The following CHKA variants were observed in gnomAD, a reference collection of about 807,000 sequenced individuals.
CHKA encodes CHETK-alpha.
CHKA carries 34 observed loss-of-function variants against 60.1 expected under a neutral mutation model. That is an observed-to-expected ratio of 0.57 (90% CI 0.43 to 0.75). CHKA has a LOEUF of 0.75. Among genes scored for constraint, CHKA ranks in the 30% least tolerant of loss-of-function variants. The pLI is 0.00. For missense variants in CHKA, 563 were observed against 561.3 expected (o/e 1.00, Z -0.03); for synonymous variants, 217 against 223.1 (o/e 0.97, Z 0.24).
chr11:68,070,917 T>C, intron 4 of CHKA, 60 bp from the exon 5 acceptor site: 3 of 1,525,662 alleles, frequency 2.0e-6, no homozygotes, highest in African/African-American at 1.4e-5. Flanking sequence ...AAGAGTGAGA[T>C]CACACAGTCT....
At chr11:68,109,622 T>G (rs1296680250) in intron 1 of CHKA, among the ~76,000 whole-genome samples, 1 of 152,120 alleles carries the variant, frequency 6.6e-6, no homozygotes, top group Non-Finnish European at 1.5e-5. Flanking sequence ...ACCAAAAGAC[T>G]GAGACCTCAC....
chr11:68,113,914 C>CCAGGAAGCGGAGGTTG (rs1157239266), intron 1 of CHKA, among the ~76,000 whole-genome samples: 1 of 151,986 alleles, frequency 6.6e-6, no homozygotes, highest in East Asian at 1.9e-4. Context: ...TCGCTTGAAC[C>CCAGGAAGCGGAGGTTG]CAGGAAGCGG....
chr11:68,113,418 T>G (rs188066316), intron 1 of CHKA, among the ~76,000 whole-genome samples: 1 of 152,160 alleles, frequency 6.6e-6, no homozygotes, highest in African/African-American at 2.4e-5. Context: ...GATACCTGAC[T>G]GGGCGCGGTG....
intron 1 of CHKA, among the ~76,000 whole-genome samples, chr11:68,105,287 C>T (rs1368513202): frequency 5.3e-5 from 8 of 151,544 alleles, no homozygotes; most frequent in South Asian, 2.1e-4. Flanking sequence ...GAGGCTGAGG[C>T]GGGTGGATCA....
chr11:68,089,470 G>A (rs1365297468), intron 2 of CHKA, among the ~76,000 whole-genome samples: 2 of 152,164 alleles, frequency 1.3e-5, no homozygotes, highest in East Asian at 1.9e-4. Context: ...TATATATGGT[G>A]TCTCCTTAAT....
chr11:68,112,331 A>T, intron 1 of CHKA, among the ~76,000 whole-genome samples: 1 of 152,044 alleles, frequency 6.6e-6, no homozygotes. Context: ...ATCCAGGCTC[A>T]CTGCAACCTC....
chr11:68,111,800 T>C (rs143020430), intron 1 of CHKA, among the ~76,000 whole-genome samples: 1,969 of 152,072 alleles, frequency 0.013, 36 homozygotes, highest in African/African-American at 0.041. Flanking sequence ...ACACCTGTAA[T>C]CCCAGCACTT....
chr11:68,097,188 C>G (rs1857542562), intron 1 of CHKA, 58 bp from the exon 2 acceptor site: 1 of 1,319,766 alleles, frequency 7.6e-7, no homozygotes, highest in Non-Finnish European at 1.1e-6. Context: ...AATCACTCTT[C>G]TTGGATAAAT....
At chr11:68,070,319 C>T (rs751453360) in intron 5 of CHKA, 26 bp from the exon 6 acceptor site, 2 of 1,473,916 alleles carry the variant, frequency 1.4e-6, no homozygotes, top group Non-Finnish European at 1.9e-6. Flanking sequence ...CAAAAAAGAA[C>T]AGAACAAAGA....
rs766823961 is a variant in CHKA, at chr11:68,074,698, G to GT, written c.630+18dup. 8 of 1,609,480 alleles carry GT rather than the reference G, an allele frequency of 5.0e-6. No homozygotes were observed. Among genetic ancestry groups the GT allele is most frequent in the Non-Finnish European group, 6.8e-6 (8 of 1,175,898 alleles). On this transcript the variant is annotated intron_variant, in intron 4 of 11. Transcript: ENST00000265689. ...TGTCTGTGGCATATGTCAACTAAGC[G>GT]TTTATGAACAAATCTTACCGGGATG...
At chr11:68,110,117 G>T (rs1858078143) in intron 1 of CHKA, among the ~76,000 whole-genome samples, 2 of 152,004 alleles carry the variant, frequency 1.3e-5, no homozygotes, top group South Asian at 4.1e-4. Context: ...GAATAGAGAG[G>T]AACTTCCTCA....
chr11:68,070,621 T>G, intron 5 of CHKA, 103 bp downstream of exon 5: 2 of 1,268,422 alleles, frequency 1.6e-6, no homozygotes, highest in Non-Finnish European at 2.2e-6. Flanking sequence ...TTCAGTGAAC[T>G]AGGAAGACCT....
intron 7 of CHKA, among the ~76,000 whole-genome samples, chr11:68,068,500 C>T (rs1856514113): frequency 6.6e-6 from 1 of 151,854 alleles, no homozygotes; most frequent in Non-Finnish European, 1.5e-5. Context: ...ATACTATAGC[C>T]TTGAACTCCT....
At chr11:68,116,164 T>C (rs921421929) in intron 1 of CHKA, among the ~76,000 whole-genome samples, 2 of 152,230 alleles carry the variant, frequency 1.3e-5, no homozygotes, top group African/African-American at 2.4e-5. Flanking sequence ...AAAAGATGTG[T>C]GTGAAACTTA....
intron 1 of CHKA, among the ~76,000 whole-genome samples, chr11:68,102,238 A>T (rs1009176523): frequency 2.6e-5 from 4 of 152,160 alleles, no homozygotes; most frequent in Non-Finnish European, 4.4e-5. Context: ...ATCACAAAAG[A>T]CCCCAGTAGC....
At chr11:68,110,748 A>G (rs1858100952) in intron 1 of CHKA, among the ~76,000 whole-genome samples, 1 of 152,184 alleles carries the variant, frequency 6.6e-6, no homozygotes, top group African/African-American at 2.4e-5. Context: ...TTGTAATCCC[A>G]GCAATTTGGG....
chr11:68,115,417 G>T (rs1046827264), intron 1 of CHKA, among the ~76,000 whole-genome samples: 1 of 152,142 alleles, frequency 6.6e-6, no homozygotes, highest in African/African-American at 2.4e-5. Context: ...GTCAATGTAG[G>T]TTCCTCAGTT....
intron 7 of CHKA, 105 bp from the exon 8 acceptor site, chr11:68,066,621 T>C: frequency 2.3e-6 from 2 of 879,296 alleles, no homozygotes; most frequent in South Asian, 2.9e-5. Context: ...GAATCCTAAC[T>C]GAATGTGGCT....
chr11:68,096,877 TAAAGTA>T (rs1857530948), intron 2 of CHKA, 136 bp downstream of exon 2: 9 of 540,064 alleles, frequency 1.7e-5, no homozygotes, highest in African/African-American at 3.8e-5. Context: ...GCAGCCCAAT[TAAAGTA>T]AAAGTAAAAG....
Sources: gnomAD v4.1 joint callset for allele counts (sites outside exome capture counted in the v4.1 genomes callset) on GRCh38, gnomAD v4.1.1 for gene constraint, MANE v1.5 for transcripts, NCBI Gene and HGNC (gene_info 2026-07-23, HGNC 2026-07-21) for gene names.